The following CEMIP variants were observed in gnomAD, a reference collection of about 807,000 sequenced individuals.
CEMIP encodes cell migration inducing hyaluronidase 1.
CEMIP carries 105 observed loss-of-function variants against 156.9 expected under a neutral mutation model. That is an observed-to-expected ratio of 0.67 (90% confidence interval 0.57 to 0.79). The LOEUF (loss-of-function observed/expected upper bound fraction) is 0.79. Among genes scored for constraint, CEMIP ranks in the 30% least tolerant of loss-of-function variants. The pLI is 0.00. For missense variants in CEMIP, 1,457 were observed against 1,769.4 expected, an observed-to-expected ratio of 0.82 and a Z score of 3.17; for synonymous variants, 676 against 668.4, an observed-to-expected ratio of 1.01 and a Z score of -0.17.
Position 80,906,944 on chromosome 15 carries a change from G to T in CEMIP, c.1587+106G>T. The T allele has an allele frequency of 7.7e-7, 1 of 1,292,616 alleles. No individual in the cohort carries two copies. The allele number at this position is 1,292,616 out of a possible 1,614,324, so 80.1% of individuals were successfully genotyped here. A position where few individuals can be genotyped will look rare whatever the true frequency, so the allele number is the denominator to read the frequency against. On this transcript the variant is annotated intron_variant, in intron 13 of 29. Coordinates refer to ENST00000394685, the MANE Select transcript of CEMIP (RefSeq NM_001293298.2). The surrounding 1 kb of genome is among the most constrained non-coding windows in gnomAD (Gnocchi z 4.3). ...AGGGATGAGGGTGGGGGAACAGGAGGTGGGATCAAGGGGAGGGCGCCTTCT... is the reference window on the plus strand; with the variant it reads ...AGGGATGAGGGTGGGGGAACAGGAGTTGGGATCAAGGGGAGGGCGCCTTCT...
chr15:80,829,809 T>C (rs1897113989), intron 1 of CEMIP, among the ~76,000 whole-genome samples: 4 of 152,130 alleles, frequency 2.6e-5, no homozygotes, highest in Admixed American at 2.0e-4. Flanking sequence ...TTAAGGAGTA[T>C]TGGGTTTTTA....
At chr15:80,940,132 T>C (rs1044449284) in intron 25 of CEMIP, among the ~76,000 whole-genome samples, 1 of 152,238 alleles carries the variant, frequency 6.6e-6, no homozygotes, top group Non-Finnish European at 1.5e-5. Flanking sequence ...TCAGTAGCGC[T>C]GCTCTGCAAC....
At chr15:80,785,692 A>G (rs1345361068) in intron 1 of CEMIP, among the ~76,000 whole-genome samples, 1 of 152,220 alleles carries the variant, frequency 6.6e-6, no homozygotes, top group Admixed American at 6.5e-5. Flanking sequence ...TAATTCAGCC[A>G]GAGGAGATCC....
At chr15:80,933,484 G>A (rs766918567) in intron 23 of CEMIP, 24 bp downstream of exon 23, 48 of 1,583,604 alleles carry the variant, frequency 3.0e-5, no homozygotes, top group East Asian at 4.5e-5. Flanking sequence ...TCTGGGGGCC[G>A]GCCACTCACT....
At chr15:80,807,218 T>G (rs887873701) in intron 1 of CEMIP, among the ~76,000 whole-genome samples, 2 of 149,258 alleles carry the variant, frequency 1.3e-5, no homozygotes, top group African/African-American at 4.9e-5. Context: ...AGAGACAAAG[T>G]ATCTAGAGAG....
At chr15:80,913,267 A>T (rs566644899) in intron 14 of CEMIP, among the ~76,000 whole-genome samples, 2 of 152,280 alleles carry the variant, frequency 1.3e-5, no homozygotes, top group Admixed American at 6.5e-5. Context: ...AAATTCCTCC[A>T]ACTCCTGCTT....
At chr15:80,858,183 T>C (rs1897897919) in intron 1 of CEMIP, among the ~76,000 whole-genome samples, 1 of 152,014 alleles carries the variant, frequency 6.6e-6, no homozygotes, top group Admixed American at 6.6e-5. Flanking sequence ...GAAGATGGAT[T>C]GGGATAAGGT....
In CEMIP at chr15:80,873,983, G is replaced by A. The variant is rs768193716; in HGVS notation, c.94+10G>A. The A allele has an allele frequency of 3.3e-5, 51 of 1,559,992 alleles. No homozygotes were observed. The South Asian group carries it at 5.5e-4, about 17-fold the overall frequency. On this transcript the variant is annotated intron_variant, in intron 3 of 29. Transcript: ENST00000394685. Reference sequence around the variant, plus strand: ...GGGGCCACATCCACAGGTGAGCACTGCAAACAGATGGACCTCTGTATCTCA... The same window carrying A: ...GGGGCCACATCCACAGGTGAGCACTACAAACAGATGGACCTCTGTATCTCA...
At chr15:80,822,191 C>T (rs1896925836) in intron 1 of CEMIP, among the ~76,000 whole-genome samples, 1 of 152,198 alleles carries the variant, frequency 6.6e-6, no homozygotes, top group Non-Finnish European at 1.5e-5. Flanking sequence ...CCTGGCTCCC[C>T]CAGATGTGTT....
chr15:80,870,549 A>G (rs1193395042), intron 1 of CEMIP, among the ~76,000 whole-genome samples: 2 of 151,772 alleles, frequency 1.3e-5, no homozygotes, highest in African/African-American at 4.8e-5. Context: ...CAAGCCCTGG[A>G]CTCCGGTGCG....
intron 1 of CEMIP, among the ~76,000 whole-genome samples, chr15:80,801,920 T>G (rs1429575981): frequency 1.3e-5 from 2 of 152,240 alleles, no homozygotes; most frequent in Admixed American, 1.3e-4. Flanking sequence ...GTATTATAAG[T>G]AATCTAGAGA....
intron 1 of CEMIP, among the ~76,000 whole-genome samples, chr15:80,814,004 C>G (rs1005873375): frequency 5.3e-5 from 8 of 150,132 alleles, no homozygotes; most frequent in Non-Finnish European, 7.4e-5. Context: ...CTGAGACACC[C>G]TCTCCCATCC....
chr15:80,844,001 A>G (rs115797990), intron 1 of CEMIP, among the ~76,000 whole-genome samples: 3,720 of 152,302 alleles, frequency 0.024, 125 homozygotes, highest in African/African-American at 0.076. Context: ...AATGCAGCCC[A>G]CGTTTGTGTT....
chr15:80,924,960 T>C (rs1596195515), intron 18 of CEMIP, among the ~76,000 whole-genome samples: 1 of 152,100 alleles, frequency 6.6e-6, no homozygotes, highest in African/African-American at 2.4e-5. Context: ...AGTGAATAGC[T>C]GGTAAGTCAG....
intron 3 of CEMIP, among the ~76,000 whole-genome samples, chr15:80,878,356 T>C (rs537064620): frequency 2.1e-4 from 32 of 152,328 alleles, no homozygotes; most frequent in African/African-American, 7.5e-4. Flanking sequence ...AATGTTGCTT[T>C]CCAGAAGACA....
chr15:80,929,264 C>A, intron 21 of CEMIP, 90 bp downstream of exon 21: 1 of 1,466,664 alleles, frequency 6.8e-7, no homozygotes, highest in Non-Finnish European at 9.6e-7. Flanking sequence ...TAGTTTCTAC[C>A]TGTTGACTAT....
At chr15:80,834,792 C>A (rs1303066965) in intron 1 of CEMIP, among the ~76,000 whole-genome samples, 1 of 151,966 alleles carries the variant, frequency 6.6e-6, no homozygotes, top group Non-Finnish European at 1.5e-5. Context: ...TGTCAGTTTC[C>A]ATTAAGGGAA....
intron 1 of CEMIP, among the ~76,000 whole-genome samples, chr15:80,840,323 A>T (rs907847141): frequency 2.0e-5 from 3 of 152,074 alleles, no homozygotes; most frequent in Non-Finnish European, 4.4e-5. Context: ...CGAGTCATTC[A>T]TGGGGACTCC....
intron 12 of CEMIP, among the ~76,000 whole-genome samples, chr15:80,896,947 A>G (rs1446887993): frequency 6.6e-6 from 1 of 152,218 alleles, no homozygotes; most frequent in East Asian, 1.9e-4. Flanking sequence ...TGCTTAGGCC[A>G]TGGGACATAG....
Sources: allele counts gnomAD v4.1 joint callset (sites outside exome capture counted in the v4.1 genomes callset), GRCh38; gene constraint gnomAD v4.1.1; non-coding constraint Gnocchi (gnomAD v3.1); transcripts MANE v1.5; gene names NCBI Gene and HGNC (gene_info 2026-07-23, HGNC 2026-07-21).